PDE1C: variants seen among roughly 807,000 people sequenced by gnomAD.
The protein encoded by PDE1C is dual specificity calcium/calmodulin-dependent 3',5'-cyclic nucleotide phosphodiesterase 1C.
In PDE1C, 62 loss-of-function variants were observed where a neutral mutation model predicts 93.1. The ratio of observed to expected loss-of-function variants is 0.67; its 90% confidence interval spans 0.54 to 0.82. The LOEUF is 0.82. PDE1C is among the 40% of genes least tolerant of loss of function. The pLI is 0.00. For missense variants in PDE1C, 742 were observed against 884.6 expected (o/e 0.84, Z 2.04); for synonymous variants, 325 against 310.1 (o/e 1.05, Z -0.50).
intron 2 of PDE1C, among the ~76,000 whole-genome samples, chr7:32,034,054 C>CTGTGCGTGTGTG (rs140656824): frequency 6.7e-4 from 100 of 148,396 alleles, no homozygotes; most frequent in African/African-American, 2.4e-3. Flanking sequence ...AGATGAGAGA[C>CTGTGCGTGTGTG]TGTGTGTGTG....
chr7:31,988,310 G>T (rs1041229172), intron 2 of PDE1C, among the ~76,000 whole-genome samples: 2 of 152,144 alleles, frequency 1.3e-5, no homozygotes, highest in African/African-American at 4.8e-5. Flanking sequence ...AAACCCTTGG[G>T]CCTGCCTTGG....
intron 2 of PDE1C, among the ~76,000 whole-genome samples, chr7:32,036,366 T>C (rs1791085721): frequency 1.3e-5 from 2 of 152,128 alleles, no homozygotes; most frequent in Admixed American, 6.5e-5. Context: ...AATGCTCATA[T>C]TAGAAAAGAT....
At chr7:31,808,976 G>A in intron 16 of PDE1C, 55 bp downstream of exon 16, 3 of 1,009,760 alleles carry the variant, frequency 3.0e-6, no homozygotes, top group Admixed American at 1.8e-5. Context: ...ATTCTAACAA[G>A]CTTACATTAA....
At chr7:31,724,831 T>G in the PDE1C span, among the ~76,000 whole-genome samples, 1 of 152,202 alleles carries the variant, frequency 6.6e-6, no homozygotes, top group Non-Finnish European at 1.5e-5. Context: ...GGCTGTGCGC[T>G]AAGGGTTGCA....
chr7:32,140,588 C>T lies in PDE1C; in HGVS notation c.308+29197G>A, dbSNP rs1800462641. ...ACACTTTTCCTGACAGCTGAGAAAG[C>T]AGGCTTTGAAGCGGAAACTCTACCT... On this transcript the variant is annotated intron_variant, in intron 3 of 18. Transcript: ENST00000396193. Among the ~76,000 whole-genome samples the T allele has an allele frequency of 2.6e-5, 4 of 152,314 alleles. No individual in the cohort carries two copies. The South Asian group carries it at 8.3e-4, about 32-fold the overall frequency.
At chr7:31,648,561 A>G in the PDE1C span, among the ~76,000 whole-genome samples, 2 of 152,168 alleles carry the variant, frequency 1.3e-5, no homozygotes, top group African/African-American at 2.4e-5. Context: ...GTTATTCCCA[A>G]ACCAAAACAC....
chr7:32,091,150 GAATT>G (rs1004431568), intron 3 of PDE1C, among the ~76,000 whole-genome samples: 1 of 152,164 alleles, frequency 6.6e-6, no homozygotes, highest in Non-Finnish European at 1.5e-5. Flanking sequence ...CTCCTTGAAT[GAATT>G]AATTATTAGT....
At chr7:31,930,735 G>C (rs986563072) in intron 2 of PDE1C, among the ~76,000 whole-genome samples, 3 of 149,966 alleles carry the variant, frequency 2.0e-5, no homozygotes, top group Non-Finnish European at 4.4e-5. Flanking sequence ...TGTAGTCCCA[G>C]CTACTTGGGA....
the PDE1C span, among the ~76,000 whole-genome samples, chr7:31,687,684 C>T: frequency 2.0e-5 from 3 of 152,176 alleles, no homozygotes; most frequent in African/African-American, 7.2e-5. Flanking sequence ...GGAATACTGC[C>T]AATTTAGGTT....
the PDE1C span, among the ~76,000 whole-genome samples, chr7:31,686,544 A>G: frequency 6.6e-6 from 1 of 152,144 alleles, no homozygotes; most frequent in African/African-American, 2.4e-5. Context: ...GAGGTATTGC[A>G]AAGTGGTTAC....
chr7:31,661,681 C>CAGGCACCA, the PDE1C span, among the ~76,000 whole-genome samples: 1 of 152,154 alleles, frequency 6.6e-6, no homozygotes, highest in African/African-American at 2.4e-5. Flanking sequence ...CCATTGCACT[C>CAGGCACCA]TAGCCTGGGG....
At chr7:31,850,174 C>T (rs188822853) in intron 8 of PDE1C, among the ~76,000 whole-genome samples, 6 of 152,148 alleles carry the variant, frequency 3.9e-5, no homozygotes, top group South Asian at 2.1e-4. Context: ...CTAAACAGAG[C>T]AGATACGAAA....
intron 1 of PDE1C, among the ~76,000 whole-genome samples, chr7:32,391,285 G>C (rs893274507): frequency 1.3e-5 from 2 of 151,936 alleles, no homozygotes; most frequent in African/African-American, 4.8e-5. Context: ...TATATGAAAA[G>C]GTCAATTAAT....
chr7:31,727,894 A>G, the PDE1C span, among the ~76,000 whole-genome samples: 1 of 152,100 alleles, frequency 6.6e-6, no homozygotes, highest in Non-Finnish European at 1.5e-5. Flanking sequence ...ATACAAAAAA[A>G]TTAGCCGGGC....
chr7:31,650,459 G>A, the PDE1C span, among the ~76,000 whole-genome samples: 5 of 152,276 alleles, frequency 3.3e-5, no homozygotes, highest in East Asian at 7.7e-4. Context: ...GGCACAGCCT[G>A]AGAGAGAAAG....
chr7:32,003,790 T>C (rs534198172), intron 2 of PDE1C, among the ~76,000 whole-genome samples: 41 of 152,208 alleles, frequency 2.7e-4, no homozygotes, highest in Admixed American at 2.7e-3. Flanking sequence ...TGTCACACAC[T>C]GTTTCAGATG....
chr7:31,910,616 T>A (rs1801105603), intron 2 of PDE1C, among the ~76,000 whole-genome samples: 1 of 152,216 alleles, frequency 6.6e-6, no homozygotes, highest in Non-Finnish European at 1.5e-5. Context: ...ATACATCTGT[T>A]CTCACGAGCC....
At chr7:31,747,639 A>C, downstream of PDE1C, among the ~76,000 whole-genome samples, 1 of 152,084 alleles carries the variant, frequency 6.6e-6, no homozygotes, top group Non-Finnish European at 1.5e-5. Flanking sequence ...TATCACTTAC[A>C]TCAGTCTCCC....
At chr7:31,833,754 G>A (rs1446150275) in intron 11 of PDE1C, among the ~76,000 whole-genome samples, 1 of 152,192 alleles carries the variant, frequency 6.6e-6, no homozygotes, top group Non-Finnish European at 1.5e-5. Context: ...GCTGTTAAAA[G>A]CATTCGGTTT....
Sources: allele counts gnomAD v4.1 joint callset (sites outside exome capture counted in the v4.1 genomes callset), GRCh38; gene constraint gnomAD v4.1.1; transcripts MANE v1.5; gene names NCBI Gene and HGNC (gene_info 2026-07-23, HGNC 2026-07-21).